ROBO2: variants seen among roughly 807,000 people sequenced by gnomAD.
ROBO2 encodes roundabout guidance receptor 2.
Under a neutral mutation model 160.8 loss-of-function variants are expected in ROBO2, and 53 were observed. The ratio of observed to expected loss-of-function variants is 0.33; its 90% CI spans 0.26 to 0.41. The LOEUF (loss-of-function observed/expected upper bound fraction) is 0.41, where lower values mean the gene tolerates loss of function less well. ROBO2 is among the 10% of genes least tolerant of loss of function. ROBO2 has a pLI of 1.00. For synonymous variants in ROBO2, 664 were observed against 611.7 expected, an observed-to-expected ratio of 1.09 and a Z score of -1.26; for missense variants, 1,577 against 1,722.4, an observed-to-expected ratio of 0.92 and a Z score of 1.49.
chr3:76,567,822 T>G (rs1459703758), intron 2 of ROBO2, among the ~76,000 whole-genome samples: 8 of 131,944 alleles, frequency 6.1e-5, no homozygotes, highest in African/African-American at 1.1e-4. Flanking sequence ...TTTTTTTTTT[T>G]TGGGGGGGGT....
chr3:77,149,988 A>G (rs2077419597), intron 2 of ROBO2, among the ~76,000 whole-genome samples: 1 of 152,200 alleles, frequency 6.6e-6, no homozygotes, highest in Admixed American at 6.5e-5. Context: ...ATGCTTCCTC[A>G]GGAAAATGTC....
At chr3:77,485,091 AT>A (rs1175590478) in intron 4 of ROBO2, among the ~76,000 whole-genome samples, 1 of 152,072 alleles carries the variant, frequency 6.6e-6, no homozygotes, top group Non-Finnish European at 1.5e-5. Flanking sequence ...CGTAAACCTA[AT>A]TCTGCTTTTG....
At chr3:76,435,363 G>T (rs986040366) in intron 2 of ROBO2, 29 of 792,150 alleles carry the variant, frequency 3.7e-5, no homozygotes, top group Middle Eastern at 3.3e-4. Flanking sequence ...CCCAGTTCTT[G>T]AACAGTTCAA....
intron 2 of ROBO2, among the ~76,000 whole-genome samples, chr3:75,968,203 A>C (rs1422065278): frequency 1.3e-5 from 2 of 151,450 alleles, no homozygotes; most frequent in East Asian, 3.9e-4. Flanking sequence ...ATATATTTAC[A>C]CCAAAGTTTT....
At chr3:77,436,153 GT>G (rs201973263) in intron 2 of ROBO2, among the ~76,000 whole-genome samples, 2 of 149,564 alleles carry the variant, frequency 1.3e-5, no homozygotes, top group South Asian at 2.1e-4. Context: ...TATTCCTGCA[GT>G]TTTTTTTACA....
intron 2 of ROBO2, among the ~76,000 whole-genome samples, chr3:76,493,532 C>T (rs971349034): frequency 5.3e-5 from 8 of 151,758 alleles, no homozygotes; most frequent in Admixed American, 3.3e-4. Context: ...TCATTCTCTT[C>T]CACTAAAATA....
At chr3:76,718,924 T>C (rs1367067034) in intron 2 of ROBO2, among the ~76,000 whole-genome samples, 1 of 152,214 alleles carries the variant, frequency 6.6e-6, no homozygotes, top group African/African-American at 2.4e-5. Flanking sequence ...ACACAAAATA[T>C]GGTATTCAAC....
At chr3:76,625,203 T>G (rs1318432050) in intron 2 of ROBO2, among the ~76,000 whole-genome samples, 2 of 152,322 alleles carry the variant, frequency 1.3e-5, no homozygotes, top group East Asian at 3.9e-4. Flanking sequence ...GAATTTAATC[T>G]TTAGCCAAAG....
At chr3:77,291,215 A>G (rs2061192446) in intron 2 of ROBO2, among the ~76,000 whole-genome samples, 3 of 150,710 alleles carry the variant, frequency 2.0e-5, no homozygotes, top group Non-Finnish European at 1.5e-5. Flanking sequence ...GGGTAAGCTG[A>G]GGCTAGAGCA....
At chr3:76,904,019 A>G (rs1315530692) in intron 2 of ROBO2, among the ~76,000 whole-genome samples, 1 of 152,138 alleles carries the variant, frequency 6.6e-6, no homozygotes, top group Non-Finnish European at 1.5e-5. Flanking sequence ...AACAGTCTCT[A>G]TTACCTTCAC....
At chr3:76,464,436 G>A (rs779164584) in intron 2 of ROBO2, among the ~76,000 whole-genome samples, 4 of 151,892 alleles carry the variant, frequency 2.6e-5, no homozygotes, top group African/African-American at 7.3e-5. Context: ...AGCTTCCTTC[G>A]TCTTTTCTTT....
chr3:76,752,183 C>A (rs899771300), intron 2 of ROBO2, among the ~76,000 whole-genome samples: 2 of 150,774 alleles, frequency 1.3e-5, no homozygotes, highest in African/African-American at 4.9e-5. Flanking sequence ...TGAACTATCG[C>A]AAGGACAGAA....
intron 1 of ROBO2, among the ~76,000 whole-genome samples, chr3:77,078,310 T>C (rs2068232360): frequency 6.6e-6 from 1 of 152,216 alleles, no homozygotes; most frequent in Non-Finnish European, 1.5e-5. Context: ...AGTTGACACA[T>C]GTTTTCCTGG....
At chr3:76,127,475 T>G (rs1394808702) in intron 2 of ROBO2, among the ~76,000 whole-genome samples, 2 of 152,026 alleles carry the variant, frequency 1.3e-5, no homozygotes, top group Admixed American at 6.6e-5. Context: ...TTTTCTAAAA[T>G]ATAAAATATT....
chr3:76,203,993 A>ATAATG (rs1702684013), intron 2 of ROBO2, among the ~76,000 whole-genome samples: 1 of 152,214 alleles, frequency 6.6e-6, no homozygotes, highest in South Asian at 2.1e-4. Context: ...ACTTTTGTAA[A>ATAATG]TAATGCCTTT....
At chr3:77,554,713 C>T (rs1235693499) in intron 8 of ROBO2, among the ~76,000 whole-genome samples, 2 of 151,962 alleles carry the variant, frequency 1.3e-5, no homozygotes, top group East Asian at 1.9e-4. Flanking sequence ...TAAATGGCTA[C>T]AGTCACATGA....
chr3:77,382,362 T>TTA (rs1553931090), intron 2 of ROBO2, among the ~76,000 whole-genome samples: 32,313 of 148,720 alleles, frequency 0.22, 3,993 homozygotes, highest in Middle Eastern at 0.29. Flanking sequence ...TTTTTTTTTT[T>TTA]AAAAAGTCTT....
At chr3:75,975,066 C>T (rs551013452) in intron 2 of ROBO2, among the ~76,000 whole-genome samples, 69 of 151,428 alleles carry the variant, frequency 4.6e-4, no homozygotes, top group African/African-American at 1.5e-3. Flanking sequence ...TTTTAAGATT[C>T]ATAATATATG....
chr3:76,065,027 T>C (rs767040300), intron 2 of ROBO2, among the ~76,000 whole-genome samples: 2 of 152,002 alleles, frequency 1.3e-5, no homozygotes, highest in African/African-American at 2.4e-5. Flanking sequence ...TTATATTGAG[T>C]CCATATATAA....
Sources: allele counts gnomAD v4.1 joint callset (sites outside exome capture counted in the v4.1 genomes callset), GRCh38; gene constraint gnomAD v4.1.1; transcripts MANE v1.5; gene names NCBI Gene and HGNC (gene_info 2026-07-23, HGNC 2026-07-21).